ZNF407: variants seen among roughly 807,000 people sequenced by gnomAD.
ZNF407 encodes zinc finger protein 407.
In ZNF407, 17 loss-of-function variants were observed where a neutral mutation model predicts 131.2. That is an observed-to-expected ratio of 0.13 (90% confidence interval 0.09 to 0.19). The LOEUF (loss-of-function observed/expected upper bound fraction) is 0.19. Ranked by LOEUF, ZNF407 falls within the 10% of genes least tolerant of loss-of-function variation. The pLI is 1.00. For synonymous variants in ZNF407, 1,156 were observed against 1,062.0 expected (o/e 1.09, Z -1.72); for missense variants, 2,681 against 2,830.6 (o/e 0.95, Z 1.20).
chr18:74,616,036 T>TA (rs1383555101), intron 1 of ZNF407, among the ~76,000 whole-genome samples: 1 of 152,154 alleles, frequency 6.6e-6, no homozygotes, highest in Non-Finnish European at 1.5e-5. Context: ...GCCCCTATTA[T>TA]AGTTTTAATT....
At position 74,988,697 on chromosome 18, in the gene ZNF407, A is replaced by G. The variant is rs372187405; in HGVS notation, c.5428+68005A>G. On this transcript the variant is annotated intron_variant, in intron 8 of 8. Transcript: ENST00000299687. ...AAAAAATAGCAGAAGACAATGTGCAAGTGGCCAGTAAGTAGATGAGATGGT... is the reference window on the plus strand; with the variant it reads ...AAAAAATAGCAGAAGACAATGTGCAGGTGGCCAGTAAGTAGATGAGATGGT... Among the ~76,000 whole-genome samples the G allele has an allele frequency of 4.6e-5, 7 of 152,096 alleles. No individual in the cohort carries two copies. In the East Asian group the frequency reaches 7.7e-4, roughly 17 times the overall value.
At chr18:75,046,490 T>C (rs1381811733) in intron 8 of ZNF407, among the ~76,000 whole-genome samples, 1 of 152,186 alleles carries the variant, frequency 6.6e-6, no homozygotes, top group Non-Finnish European at 1.5e-5. Context: ...TACTGCCTTA[T>C]ATTGTGAAGT....
intron 8 of ZNF407, among the ~76,000 whole-genome samples, chr18:75,060,663 G>T (rs973499988): frequency 6.6e-6 from 1 of 151,816 alleles, no homozygotes; most frequent in East Asian, 1.9e-4. Context: ...CCGCCACCGC[G>T]CCCGGCTAAT....
chr18:74,757,199 G>GTTTAT (rs774318119), intron 3 of ZNF407, among the ~76,000 whole-genome samples: 1 of 151,658 alleles, frequency 6.6e-6, no homozygotes, highest in African/African-American at 2.4e-5. Flanking sequence ...TCTTTTATTC[G>GTTTAT]TTTATTTTAT....
intron 4 of ZNF407, among the ~76,000 whole-genome samples, chr18:74,827,065 T>C (rs990909472): frequency 1.3e-5 from 2 of 152,214 alleles, no homozygotes; most frequent in Non-Finnish European, 2.9e-5. Flanking sequence ...CTTAGTCTAC[T>C]TCAACCTGGA....
intron 4 of ZNF407, among the ~76,000 whole-genome samples, chr18:74,784,744 G>A (rs921163459): frequency 1.3e-5 from 2 of 152,140 alleles, no homozygotes; most frequent in African/African-American, 2.4e-5. Flanking sequence ...TTCTCTTTGT[G>A]GTATAAGTAA....
At chr18:74,717,433 A>G (rs1039049613) in intron 3 of ZNF407, among the ~76,000 whole-genome samples, 2 of 152,346 alleles carry the variant, frequency 1.3e-5, no homozygotes, top group Admixed American at 6.5e-5. Context: ...GAATCAAACT[A>G]TAAAATTCAC....
rs559623541 is a variant in ZNF407 at position 74,918,044 on chromosome 18, C to CA, written c.5250-2461dup. Among the ~76,000 whole-genome samples the CA allele has an allele frequency of 2.2e-3, 327 of 150,584 alleles. 2 individuals are homozygous for CA. Among genetic ancestry groups the CA allele is most frequent in the African/African-American group, 7.1e-3 (293 of 41,142 alleles). On this transcript the variant is annotated intron_variant, in intron 7 of 8. Transcript: ENST00000299687. ...AACGGTTTACCCAGCTTGAAGAATT[C>CA]AAAAAAAAATTGTTCCTTTTCCTTT...
chr18:74,777,800 G>A (rs1969504952), intron 3 of ZNF407, among the ~76,000 whole-genome samples: 1 of 151,986 alleles, frequency 6.6e-6, no homozygotes, highest in Non-Finnish European at 1.5e-5. Context: ...TGGAAGCTGA[G>A]GCTAGGTGTG....
chr18:74,987,589 G>A lies in ZNF407; in HGVS notation c.5428+66897G>A, dbSNP rs566799889. 2.3e-3 allele frequency among the ~76,000 whole-genome samples: 350 copies of A among 152,234 alleles called. 2 individuals carry two copies. Among genetic ancestry groups the A allele is most frequent in the African/African-American group, 7.6e-3 (316 of 41,554 alleles). ...AAAATTCTTGAAGAGAGGAGAATAT[G>A]ATGTGAACTCTGAGGGGTTAGTGAA... On this transcript the variant is annotated intron_variant, in intron 8 of 8. Coordinates refer to ENST00000299687, the MANE Select transcript of ZNF407 (RefSeq NM_017757.3).
chr18:74,781,402 T>TA, intron 3 of ZNF407, 26 bp from the exon 4 acceptor site: 2 of 1,477,502 alleles, frequency 1.4e-6, no homozygotes, highest in Non-Finnish European at 1.8e-6. Flanking sequence ...GTTTTAGTTT[T>TA]ATAATTACTT....
intron 3 of ZNF407, among the ~76,000 whole-genome samples, chr18:74,733,672 A>G (rs1968344956): frequency 6.6e-6 from 1 of 152,168 alleles, no homozygotes; most frequent in South Asian, 2.1e-4. Context: ...TGATATGTGA[A>G]TGTCTTTTGT....
rs186927583 is a variant in ZNF407 at position 74,920,913 on chromosome 18, A to G, written c.5428+221A>G. 1.1e-4 allele frequency: 129 copies of G among 1,222,932 alleles called. No homozygotes were observed. The African/African-American group carries it at 1.8e-3, about 17-fold the overall frequency. The allele number at this position is 1,222,932 out of a possible 1,614,324, so 75.8% of individuals were successfully genotyped here. On this transcript the variant is annotated intron_variant, in intron 8 of 8. Transcript: ENST00000299687. ...TTTATCAAAAAAGGAAATCTGACAGAGTAATTATTTGATGACTGTAAAGTT... is the reference window on the plus strand; with the variant it reads ...TTTATCAAAAAAGGAAATCTGACAGGGTAATTATTTGATGACTGTAAAGTT...
chr18:74,708,034 A>C (rs1967668024), intron 3 of ZNF407, among the ~76,000 whole-genome samples: 1 of 152,196 alleles, frequency 6.6e-6, no homozygotes, highest in African/African-American at 2.4e-5. Context: ...CCTAAGTTTG[A>C]ACAATTTTCT....
In ZNF407 at chr18:74,632,245, G is replaced by A; in HGVS notation, c.1226G>A (p.Ser409Asn). ...ACCCTTCAGGCAGCACACGGTAACAGTGTAACCTCGAGGCCAAGACCTGAG... is the reference window on the plus strand; with the variant it reads ...ACCCTTCAGGCAGCACACGGTAACAATGTAACCTCGAGGCCAAGACCTGAG... ...KNTLQAAHGN[S>N]VTSRPRPERN... The change falls in exon 2 of 9, where the codon AGT becomes AAT. Residue 409 changes from serine to asparagine, a missense_variant. Coordinates refer to ENST00000299687, the MANE Select transcript of ZNF407 (RefSeq NM_017757.3). 1.2e-6 allele frequency: 2 copies of A among 1,613,964 alleles called. No homozygotes were observed. The highest frequency in any genetic ancestry group is 1.7e-6 in the Non-Finnish European group (2 of 1,179,888).
chr18:75,025,488 G>A (rs918667365), intron 8 of ZNF407, among the ~76,000 whole-genome samples: 2 of 152,174 alleles, frequency 1.3e-5, no homozygotes, highest in Non-Finnish European at 2.9e-5. Flanking sequence ...GGCAGCTCAC[G>A]TGGTGTGCTC....
At chr18:74,779,307 G>T (rs1969550709) in intron 3 of ZNF407, among the ~76,000 whole-genome samples, 1 of 150,710 alleles carries the variant, frequency 6.6e-6, no homozygotes, top group Admixed American at 6.6e-5. Flanking sequence ...GTAGAGACGG[G>T]GTTTCACTGT....
rs1967420275 is a variant in ZNF407 at position 74,698,733 on chromosome 18, A to G, written c.4802+57611A>G. Among the ~76,000 whole-genome samples the G allele has an allele frequency of 2.0e-5, 3 of 152,210 alleles. No homozygotes were observed. The South Asian group carries it at 6.2e-4, about 32-fold the overall frequency. ...TGTAAACTGAGAATTGTAGCATAGT[A>G]TGGTGAGATTATTCCTGGAAACATG... On this transcript the variant is annotated intron_variant, in intron 3 of 8. Transcript: ENST00000299687.
intron 3 of ZNF407, among the ~76,000 whole-genome samples, chr18:74,705,092 A>G (rs980880579): frequency 6.6e-6 from 1 of 152,188 alleles, no homozygotes; most frequent in African/African-American, 2.4e-5. Flanking sequence ...TTTCTTCCAC[A>G]GGAGGTTAAT....
Sources: gnomAD v4.1 joint callset for allele counts (sites outside exome capture counted in the v4.1 genomes callset) on GRCh38, gnomAD v4.1.1 for gene constraint, MANE v1.5 for transcripts, NCBI Gene and HGNC (gene_info 2026-07-23, HGNC 2026-07-21) for gene names.